BARX2: variants seen among roughly 807,000 people sequenced by gnomAD.
BARX2 encodes the protein homeobox protein BarH-like 2.
In BARX2, 11 loss-of-function variants were observed where a neutral mutation model predicts 25.5. The ratio of observed to expected loss-of-function variants is 0.43; its 90% CI spans 0.27 to 0.71. The LOEUF (loss-of-function observed/expected upper bound fraction) is 0.71, where lower values mean the gene tolerates loss of function less well. Among genes scored for constraint, BARX2 ranks in the 30% least tolerant of loss-of-function variants. The pLI is 0.19. For synonymous variants in BARX2, 137 were observed against 149.5 expected (o/e 0.92, Z 0.61); for missense variants, 360 against 359.9 (o/e 1.00, Z 0.00).
At chr11:129,428,414 G>A (rs1862091591) in intron 1 of BARX2, among the ~76,000 whole-genome samples, 1 of 152,104 alleles carries the variant, frequency 6.6e-6, no homozygotes, top group African/African-American at 2.4e-5. Context: ...TTATAATTTG[G>A]CACTGTTTTT....
intron 1 of BARX2, among the ~76,000 whole-genome samples, chr11:129,401,726 C>T (rs886186024): frequency 2.0e-5 from 3 of 152,042 alleles, no homozygotes; most frequent in South Asian, 2.1e-4. Context: ...GAGGCTGAGG[C>T]GGGCAGATCA....
At chr11:129,444,668 A>G (rs1862303347) in intron 3 of BARX2, among the ~76,000 whole-genome samples, 1 of 152,194 alleles carries the variant, frequency 6.6e-6, no homozygotes, top group African/African-American at 2.4e-5. Flanking sequence ...ATCGGAGTTC[A>G]GAAGAGAGGT....
At chr11:129,408,675 C>T (rs765843585) in intron 1 of BARX2, among the ~76,000 whole-genome samples, 2 of 152,308 alleles carry the variant, frequency 1.3e-5, no homozygotes, top group East Asian at 1.9e-4. Context: ...GAGACTATCT[C>T]GGCCTCCCCA....
At position 129,451,441 on chromosome 11, in the gene BARX2, A is replaced by G. The variant is rs200642913; in HGVS notation, c.*39A>G. 3.3e-3 allele frequency: 5,293 copies of G among 1,590,258 alleles called. 20 individuals carry two copies. The highest frequency in any genetic ancestry group is 8.8e-3 in the South Asian group (784 of 88,686). On this transcript the variant is annotated 3_prime_UTR_variant, in exon 4 of 4. Coordinates refer to ENST00000281437, the MANE Select transcript of BARX2 (RefSeq NM_003658.5). Reference sequence around the variant, plus strand: ...TGAGGGAAGAGGGAGACTGGGGAGAAGGGAAAAGAGAGAAGGCAGGGAGAG... The same window carrying G: ...TGAGGGAAGAGGGAGACTGGGGAGAGGGGAAAAGAGAGAAGGCAGGGAGAG...
intron 1 of BARX2, among the ~76,000 whole-genome samples, chr11:129,400,602 T>C (rs954388236): frequency 6.6e-6 from 1 of 152,180 alleles, no homozygotes; most frequent in African/African-American, 2.4e-5. Context: ...GCTTGTGCCG[T>C]GGAGATTTTA....
intron 1 of BARX2, among the ~76,000 whole-genome samples, chr11:129,402,729 C>T (rs1278194236): frequency 6.6e-6 from 1 of 152,190 alleles, no homozygotes; most frequent in Non-Finnish European, 1.5e-5. Context: ...CTCAGGTTCC[C>T]AGCAGATCCT....
chr11:129,418,342 T>A (rs188951608), intron 1 of BARX2, among the ~76,000 whole-genome samples: 3 of 152,320 alleles, frequency 2.0e-5, no homozygotes, highest in African/African-American at 7.2e-5. Context: ...GCTCAGTTCT[T>A]TGGACTTGGT....
chr11:129,418,838 G>T (rs1267768965), intron 1 of BARX2, among the ~76,000 whole-genome samples: 1 of 152,204 alleles, frequency 6.6e-6, no homozygotes, highest in African/African-American at 2.4e-5. Flanking sequence ...AAGACAGAAT[G>T]TCAGAAAGGA....
chr11:129,380,491 T>G (rs538221217), intron 1 of BARX2, among the ~76,000 whole-genome samples: 2 of 152,124 alleles, frequency 1.3e-5, no homozygotes, highest in Non-Finnish European at 2.9e-5. Context: ...TCTTTTTCAG[T>G]CAGAGACCCA....
intron 1 of BARX2, among the ~76,000 whole-genome samples, chr11:129,392,512 CAAT>C (rs1591429536): frequency 1.3e-5 from 2 of 152,190 alleles, no homozygotes; most frequent in African/African-American, 4.8e-5. Context: ...GTTGAAAAAA[CAAT>C]AATAATAACA....
rs929161470 is a variant in BARX2, at chr11:129,436,471, C to T, written c.188-280C>T. On this transcript the variant is annotated intron_variant, in intron 1 of 3. Transcript: ENST00000281437. The surrounding 1 kb of genome is among the most constrained non-coding windows in gnomAD (Gnocchi z 4.5). ...CCATGGACCAAGAATTTAGGGATTC[C>T]GAAGGGAGAGAGGGGAAAGATCTGC... The T allele has an allele frequency of 1.3e-5, 5 of 378,430 alleles. No individual in the cohort carries two copies. Among genetic ancestry groups the T allele is most frequent in the African/African-American group, 4.1e-5 (2 of 48,346 alleles). The allele number at this position is 378,430 out of a possible 1,614,324, so 23.4% of individuals were successfully genotyped here. A position where few individuals can be genotyped will look rare whatever the true frequency, so the allele number is the denominator to read the frequency against.
Position 129,376,561 on chromosome 11 carries a change from G to C in BARX2, c.187+339G>C, listed in dbSNP as rs1416657534. Among the ~76,000 whole-genome samples the C allele has an allele frequency of 2.0e-5, 3 of 152,224 alleles. No homozygotes were observed. The highest frequency in any genetic ancestry group is 4.4e-5 in the Non-Finnish European group (3 of 68,042). On this transcript the variant is annotated intron_variant, in intron 1 of 3. Transcript: ENST00000281437. The surrounding 1 kb of genome is among the most constrained non-coding windows in gnomAD (Gnocchi z 4.2). ...AGCGTCTAAATCGTTGTTTCAGGAA[G>C]TGGTGGTGTGTGTGAATTTCAAACT...
rs193070291 is a variant in BARX2 at position 129,435,907 on chromosome 11, C to A, written c.188-844C>A. Among the ~76,000 whole-genome samples, 705 of 152,264 alleles carry A rather than the reference C, an allele frequency of 4.6e-3. 6 individuals are homozygous for A. Among genetic ancestry groups the A allele is most frequent in the African/African-American group, 0.016 (673 of 41,550 alleles). On this transcript the variant is annotated intron_variant, in intron 1 of 3. Transcript: ENST00000281437. ...ATAACTGGTATGTATGCCACCATAC[C>A]CTGCCCCGGCCACATGCCCATAGCA...
chr11:129,380,268 G>A (rs1422965146), intron 1 of BARX2, among the ~76,000 whole-genome samples: 2 of 152,114 alleles, frequency 1.3e-5, no homozygotes, highest in Non-Finnish European at 2.9e-5. Context: ...CTTTTAGGAG[G>A]TGGCATCAAG....
chr11:129,436,891 G>T lies in BARX2; in HGVS notation c.328G>T (p.Ala110Ser). 1 of 1,613,984 alleles carries T rather than the reference G, an allele frequency of 6.2e-7. No homozygotes were observed. Among genetic ancestry groups the T allele is most frequent in the South Asian group, 1.1e-5 (1 of 91,042 alleles). ...GGTCACCGAGGCGGTCTCTGCTGAG[G>T]CCCCAGGGGGCGAGGCCCTAGCCAG... ...HQVTEAVSAEAPGGEALASSE... is the reference protein window; with the variant it reads ...HQVTEAVSAESPGGEALASSE... Residue 110 changes from alanine to serine, a missense_variant, in exon 2 of 4, where the codon GCC (alanine) becomes TCC (serine). Transcript: ENST00000281437. This position sits in a 1 kb window ranked among gnomAD's most constrained non-coding sequence, Gnocchi z 4.5.
chr11:129,394,307 T>G (rs1367088488), intron 1 of BARX2, among the ~76,000 whole-genome samples: 2 of 152,256 alleles, frequency 1.3e-5, no homozygotes, highest in African/African-American at 2.4e-5. Context: ...GCTTTGCGGT[T>G]GTTTTTGCTG....
rs984151850 is a variant in BARX2, at chr11:129,451,597, G to C, written c.*195G>C. 1 of 672,696 alleles carries C rather than the reference G, an allele frequency of 1.5e-6. No homozygotes were observed. 41.7% of individuals were successfully genotyped at this position (672,696 alleles called of 1,614,324 possible). A position where few individuals can be genotyped will look rare whatever the true frequency, so the allele number is the denominator to read the frequency against. ...ACAAAGACTTGCTTGTCTTGGGCCT[G>C]TCACCTCCTGAAAGGCTGCTTTAGC... On this transcript the variant is annotated 3_prime_UTR_variant, in exon 4 of 4. Coordinates refer to ENST00000281437, the MANE Select transcript of BARX2 (RefSeq NM_003658.5).
chr11:129,393,466 C>A (rs899041068), intron 1 of BARX2, among the ~76,000 whole-genome samples: 1 of 150,404 alleles, frequency 6.6e-6, no homozygotes. Flanking sequence ...TTTTCCTCAT[C>A]TAGTTCTTTC....
intron 1 of BARX2, among the ~76,000 whole-genome samples, chr11:129,402,544 T>C (rs536181270): frequency 6.6e-6 from 1 of 152,304 alleles, no homozygotes; most frequent in Non-Finnish European, 1.5e-5. Context: ...AAAAAAGGGC[T>C]AATAATGGTG....
Sources: gnomAD v4.1 joint callset for allele counts (sites outside exome capture counted in the v4.1 genomes callset) on GRCh38, gnomAD v4.1.1 for gene constraint, Gnocchi (gnomAD v3.1) non-coding constraint, MANE v1.5 for transcripts, NCBI Gene and HGNC (gene_info 2026-07-23, HGNC 2026-07-21) for gene names.